IL1RAPL2: variants seen among roughly 807,000 people sequenced by gnomAD.
IL1RAPL2 encodes interleukin 1 receptor accessory protein like 2.
Under a neutral mutation model 44.1 loss-of-function variants are expected in IL1RAPL2, and 3 were observed. That is an observed-to-expected ratio of 0.07 (90% CI 0.03 to 0.18). The LOEUF (loss-of-function observed/expected upper bound fraction) is 0.18, where lower values mean the gene tolerates loss of function less well. Among genes scored for constraint, IL1RAPL2 ranks in the 10% least tolerant of loss-of-function variants. The pLI, the probability that IL1RAPL2 is intolerant of heterozygous loss-of-function variation, is 1.00. For missense variants in IL1RAPL2, 391 were observed against 496.4 expected (o/e 0.79, Z 2.02); for synonymous variants, 181 against 178.8 (o/e 1.01, Z -0.10).
intron 2 of IL1RAPL2, among the ~76,000 whole-genome samples, chrX:105,054,755 T>C (rs1469664950): frequency 4.5e-5 from 5 of 112,323 alleles, no homozygotes; most frequent in Non-Finnish European, 9.4e-5. Flanking sequence ...TCTTGGACAG[T>C]ACTGATCTAG....
intron 6 of IL1RAPL2, among the ~76,000 whole-genome samples, chrX:105,655,426 C>A (rs1048321400): frequency 1.8e-5 from 2 of 112,465 alleles, no homozygotes; most frequent in Non-Finnish European, 3.8e-5. Flanking sequence ...TTCTGTATTT[C>A]CAATTATTTA....
At chrX:104,985,242 C>A (rs1431751513) in intron 2 of IL1RAPL2, among the ~76,000 whole-genome samples, 1 of 109,918 alleles carries the variant, frequency 9.1e-6, no homozygotes, top group Non-Finnish European at 1.9e-5. Context: ...TGTGTGCCAC[C>A]ATGCCCAGCT....
intron 2 of IL1RAPL2, among the ~76,000 whole-genome samples, chrX:104,721,813 G>A (rs1931682898): frequency 1.8e-5 from 2 of 111,087 alleles, no homozygotes; most frequent in Admixed American, 9.6e-5. Context: ...ATATATTATT[G>A]ACCATAATAA....
intron 5 of IL1RAPL2, among the ~76,000 whole-genome samples, chrX:105,308,179 A>T: frequency 9.0e-6 from 1 of 111,258 alleles, no homozygotes; most frequent in Admixed American, 9.6e-5. Context: ...TTCCCTTTCC[A>T]TATTCATAAC....
At chrX:104,585,362 T>A (rs866750411) in intron 1 of IL1RAPL2, among the ~76,000 whole-genome samples, 423 of 23,519 alleles carry the variant, frequency 0.018, 57 homozygotes, top group African/African-American at 0.17. Context: ...TTATATATAT[T>A]ATATATATTA....
intron 2 of IL1RAPL2, among the ~76,000 whole-genome samples, chrX:104,989,977 C>A (rs775031332): frequency 8.9e-6 from 1 of 111,817 alleles, no homozygotes; most frequent in South Asian, 3.7e-4. Flanking sequence ...TATTCTGATT[C>A]ATGTTTCAGG....
intron 4 of IL1RAPL2, among the ~76,000 whole-genome samples, chrX:105,239,420 C>T (rs1433754482): frequency 1.8e-5 from 2 of 111,292 alleles, no homozygotes; most frequent in Non-Finnish European, 3.8e-5. Context: ...GAAGGACTCC[C>T]GGCAATGTTG....
chrX:105,017,657 G>T (rs377676095), intron 2 of IL1RAPL2, among the ~76,000 whole-genome samples: 2 of 111,105 alleles, frequency 1.8e-5, no homozygotes, highest in South Asian at 3.8e-4. Flanking sequence ...CAAAGAGGTT[G>T]CATAATTGAG....
At chrX:105,424,292 G>C (rs374614301) in intron 5 of IL1RAPL2, among the ~76,000 whole-genome samples, 5 of 111,542 alleles carry the variant, frequency 4.5e-5, no homozygotes, top group African/African-American at 1.6e-4. Flanking sequence ...GGTCTGGAAA[G>C]GCAGGACAAC....
intron 6 of IL1RAPL2, among the ~76,000 whole-genome samples, chrX:105,555,076 G>GTT (rs762609819): frequency 1.5e-3 from 125 of 83,024 alleles, no homozygotes; most frequent in African/African-American, 5.1e-3. Context: ...TCTGGTAGTT[G>GTT]TTTTTTTTTT....
At chrX:104,904,800 T>A (rs1923934585) in intron 2 of IL1RAPL2, among the ~76,000 whole-genome samples, 2 of 108,405 alleles carry the variant, frequency 1.8e-5, no homozygotes, top group African/African-American at 3.5e-5. Context: ...TGATTTATAG[T>A]CCTTTGGGTA....
At chrX:105,670,105 G>GTC (rs2037805273) in intron 6 of IL1RAPL2, among the ~76,000 whole-genome samples, 1 of 11,684 alleles carries the variant, frequency 8.6e-5, no homozygotes, top group Non-Finnish European at 1.9e-4. Flanking sequence ...TGGGTTTCCT[G>GTC]TATATATATA....
At chrX:104,683,897 G>A (rs1930933589) in intron 2 of IL1RAPL2, among the ~76,000 whole-genome samples, 1 of 111,998 alleles carries the variant, frequency 8.9e-6, no homozygotes, top group Non-Finnish European at 1.9e-5. Context: ...TCTATTAATA[G>A]ACCCTCCACC....
At chrX:105,319,228 T>A (rs1397223450) in intron 5 of IL1RAPL2, among the ~76,000 whole-genome samples, 3 of 111,968 alleles carry the variant, frequency 2.7e-5, no homozygotes, top group Non-Finnish European at 5.6e-5. Context: ...CTGCTATCAG[T>A]GAGAGGGTAG....
chrX:105,738,427 G>A (rs1429780105), intron 7 of IL1RAPL2, among the ~76,000 whole-genome samples: 2 of 111,141 alleles, frequency 1.8e-5, no homozygotes, highest in African/African-American at 6.5e-5. Flanking sequence ...TTTTTTCTAA[G>A]CAGTCATGTT....
intron 5 of IL1RAPL2, among the ~76,000 whole-genome samples, chrX:105,309,369 A>T (rs1277243168): frequency 4.5e-5 from 5 of 110,555 alleles, no homozygotes; most frequent in African/African-American, 1.6e-4. Flanking sequence ...TTCCCTGATA[A>T]CTAGTAATAT....
rs7060594 is a variant in IL1RAPL2, at chrX:105,640,689, T to C, written c.773-76678T>C. Among the ~76,000 whole-genome samples, 51 of 84,525 alleles carry C rather than the reference T, an allele frequency of 6.0e-4. 1 individual carries two copies. The highest frequency in any genetic ancestry group is 1.7e-3 in the African/African-American group (37 of 21,611). The allele number at this position is 84,525 out of a possible 115,157, so 73.4% of individuals were successfully genotyped here. ...ATATATATATATATATATATATATATATACACACACATATACATATATATA... is the reference window on the plus strand; with the variant it reads ...ATATATATATATATATATATATATACATACACACACATATACATATATATA... On this transcript the variant is annotated intron_variant, in intron 6 of 10. Coordinates refer to ENST00000372582, the MANE Select transcript of IL1RAPL2 (RefSeq NM_017416.2).
In IL1RAPL2 at chrX:105,695,131, G is replaced by A. The variant is rs190135438; in HGVS notation, c.773-22236G>A. Among the ~76,000 whole-genome samples, 542 of 111,492 alleles carry A rather than the reference G, an allele frequency of 4.9e-3. 3 individuals are homozygous for A. Among genetic ancestry groups the A allele is most frequent in the Non-Finnish European group, 7.9e-3 (417 of 53,019 alleles). ...GAAAATTGCAAAGACAAATATGGTA[G>A]GTGCCATTCTTAAAGTTATCAAAAA... On this transcript the variant is annotated intron_variant, in intron 6 of 10. Coordinates refer to ENST00000372582, the MANE Select transcript of IL1RAPL2 (RefSeq NM_017416.2).
chrX:105,240,197 G>A (rs2034158014), intron 4 of IL1RAPL2, among the ~76,000 whole-genome samples: 1 of 112,679 alleles, frequency 8.9e-6, no homozygotes, highest in African/African-American at 3.2e-5. Context: ...GGAAGGACAA[G>A]GCAGCTGCCC....
Sources: allele counts gnomAD v4.1 joint callset (sites outside exome capture counted in the v4.1 genomes callset), GRCh38; gene constraint gnomAD v4.1.1; transcripts MANE v1.5; gene names NCBI Gene and HGNC (gene_info 2026-07-23, HGNC 2026-07-21).